TRPC4: variants seen among roughly 807,000 people sequenced by gnomAD.
The protein encoded by TRPC4 is short transient receptor potential channel 4.
TRPC4 carries 49 observed loss-of-function variants against 99.4 expected under a neutral mutation model. That is an observed-to-expected ratio of 0.49 (90% CI 0.39 to 0.63). The LOEUF is 0.63. Ranked by LOEUF, TRPC4 falls within the 20% of genes least tolerant of loss-of-function variation. The pLI is 0.00. For synonymous variants in TRPC4, 454 were observed against 425.9 expected (o/e 1.07, Z -0.81); for missense variants, 898 against 1,152.9 (o/e 0.78, Z 3.20).
chr13:37,777,814 G>A (rs892543932), intron 2 of TRPC4, among the ~76,000 whole-genome samples: 1 of 151,866 alleles, frequency 6.6e-6, no homozygotes, highest in Non-Finnish European at 1.5e-5. Flanking sequence ...CAGACCACAG[G>A]CCTGATTAAC....
intron 5 of TRPC4, among the ~76,000 whole-genome samples, chr13:37,665,865 A>T (rs1325414220): frequency 6.9e-6 from 1 of 145,604 alleles, no homozygotes; most frequent in South Asian, 2.2e-4. Context: ...AAAAAAAAAT[A>T]CATAAGAGGA....
At chr13:37,815,568 C>T (rs1334924536) in intron 1 of TRPC4, among the ~76,000 whole-genome samples, 1 of 151,972 alleles carries the variant, frequency 6.6e-6, no homozygotes, top group Non-Finnish European at 1.5e-5. Flanking sequence ...GAAGACCTAA[C>T]TATTCTAAAT....
chr13:37,769,157 G>A (rs573575314), intron 2 of TRPC4, among the ~76,000 whole-genome samples: 1 of 151,454 alleles, frequency 6.6e-6, no homozygotes, highest in African/African-American at 2.4e-5. Flanking sequence ...CCACTGAAAA[G>A]TAAAGAAAAA....
intron 5 of TRPC4, among the ~76,000 whole-genome samples, chr13:37,666,255 T>C (rs887364763): frequency 2.0e-5 from 3 of 152,104 alleles, no homozygotes; most frequent in Non-Finnish European, 4.4e-5. Flanking sequence ...ACGGTATGAG[T>C]TCTGAGACAC....
chr13:37,772,255 G>C (rs79739890), intron 2 of TRPC4, among the ~76,000 whole-genome samples: 10,121 of 151,762 alleles, frequency 0.067, 437 homozygotes, highest in Non-Finnish European at 0.091. Context: ...TATTACCTAA[G>C]AGTGGGAGGG....
At chr13:37,685,588 A>T (rs1288482009) in intron 4 of TRPC4, among the ~76,000 whole-genome samples, 1 of 152,058 alleles carries the variant, frequency 6.6e-6, no homozygotes, top group East Asian at 1.9e-4. Flanking sequence ...TGTGCTAATG[A>T]AGACTAATTC....
At chr13:37,716,280 C>T (rs981909455) in intron 3 of TRPC4, among the ~76,000 whole-genome samples, 4 of 151,962 alleles carry the variant, frequency 2.6e-5, no homozygotes, top group Non-Finnish European at 4.4e-5. Context: ...CTAAAATATA[C>T]GGGAATTACA....
At chr13:37,764,305 T>G (rs1028981581) in intron 2 of TRPC4, among the ~76,000 whole-genome samples, 1 of 151,492 alleles carries the variant, frequency 6.6e-6, no homozygotes, top group Non-Finnish European at 1.5e-5. Flanking sequence ...GTATATATTA[T>G]ATACATTTTT....
rs912002641 is a variant in TRPC4 at position 37,866,785 on chromosome 13, T to C, written c.-28+2810A>G. ...AAATCAACTCTTCATTATAACTAGA[T>C]AGAAACAAATTCCCAATTAAATTTG... On this transcript the variant is annotated intron_variant, in intron 1 of 10. Coordinates refer to ENST00000379705, the MANE Select transcript of TRPC4 (RefSeq NM_016179.4). 2.2e-5 allele frequency among the ~76,000 whole-genome samples: 3 copies of C among 139,484 alleles called. No homozygotes were observed. In the Admixed American group the frequency reaches 2.4e-4, roughly 11 times the overall value. The allele number at this position is 139,484 out of a possible 152,430, so 91.5% of individuals were successfully genotyped here. A position where few individuals can be genotyped will look rare whatever the true frequency, so the allele number is the denominator to read the frequency against.
intron 1 of TRPC4, among the ~76,000 whole-genome samples, chr13:37,791,344 C>T (rs1004471789): frequency 1.4e-4 from 21 of 149,302 alleles, no homozygotes; most frequent in Non-Finnish European, 1.9e-4. Flanking sequence ...TGCAGTGAGC[C>T]GATATCGTGC....
intron 3 of TRPC4, among the ~76,000 whole-genome samples, chr13:37,706,256 A>C (rs1440563694): frequency 6.6e-6 from 1 of 152,172 alleles, no homozygotes; most frequent in African/African-American, 2.4e-5. Flanking sequence ...TGCTCATGTA[A>C]GTTCCACAGA....
At chr13:37,669,123 T>C (rs1320668330) in intron 5 of TRPC4, among the ~76,000 whole-genome samples, 2 of 152,120 alleles carry the variant, frequency 1.3e-5, no homozygotes, top group Non-Finnish European at 2.9e-5. Context: ...AATGGTGCTA[T>C]AAAGAAAAGC....
intron 4 of TRPC4, among the ~76,000 whole-genome samples, chr13:37,685,052 G>A (rs1333780777): frequency 2.0e-5 from 3 of 152,104 alleles, no homozygotes; most frequent in Non-Finnish European, 4.4e-5. Context: ...GTGGTGATGT[G>A]AGGGTGGTGG....
intron 1 of TRPC4, among the ~76,000 whole-genome samples, chr13:37,845,127 C>T (rs181995922): frequency 6.6e-6 from 1 of 152,146 alleles, no homozygotes; most frequent in Non-Finnish European, 1.5e-5. Flanking sequence ...GAGAACCCAA[C>T]CTTAAGGTCT....
chr13:37,835,685 G>A (rs1028069843), intron 1 of TRPC4, among the ~76,000 whole-genome samples: 1 of 152,154 alleles, frequency 6.6e-6, no homozygotes, highest in African/African-American at 2.4e-5. Context: ...AAAAAAAGAG[G>A]AAGATAACAA....
chr13:37,685,900 T>C (rs1171316580), intron 4 of TRPC4, among the ~76,000 whole-genome samples: 2 of 149,048 alleles, frequency 1.3e-5, no homozygotes, highest in Non-Finnish European at 3.0e-5. Context: ...TATAATTCCA[T>C]GAAGATGATG....
At chr13:37,677,335 C>T (rs1953095097) in intron 4 of TRPC4, among the ~76,000 whole-genome samples, 1 of 151,708 alleles carries the variant, frequency 6.6e-6, no homozygotes, top group African/African-American at 2.4e-5. Context: ...TCCAGTTTAC[C>T]CATATCATAA....
intron 1 of TRPC4, among the ~76,000 whole-genome samples, chr13:37,785,092 G>C (rs979863843): frequency 6.6e-6 from 1 of 151,938 alleles, no homozygotes; most frequent in Non-Finnish European, 1.5e-5. Context: ...AGAATAACAG[G>C]AATAGCATTT....
intron 5 of TRPC4, among the ~76,000 whole-genome samples, chr13:37,668,382 A>G (rs1042482243): frequency 2.6e-5 from 4 of 152,202 alleles, no homozygotes; most frequent in African/African-American, 7.2e-5. Context: ...GGTGCTGGAC[A>G]TCTAGTAGAG....
Sources: gnomAD v4.1 joint callset for allele counts (sites outside exome capture counted in the v4.1 genomes callset) on GRCh38, gnomAD v4.1.1 for gene constraint, MANE v1.5 for transcripts, NCBI Gene and HGNC (gene_info 2026-07-23, HGNC 2026-07-21) for gene names.